The following UBE2R2 variants were observed in gnomAD, a reference collection of about 807,000 sequenced individuals.
UBE2R2 encodes the protein ubiquitin conjugating enzyme E2 R2.
Under a neutral mutation model 27.8 loss-of-function variants are expected in UBE2R2, and 1 was observed. That is an observed-to-expected ratio of 0.04 (90% CI 0.01 to 0.17). The LOEUF is 0.17. Among genes scored for constraint, UBE2R2 ranks in the 10% least tolerant of loss-of-function variants. The pLI, the probability that UBE2R2 is intolerant of heterozygous loss-of-function variation, is 1.00. For missense variants in UBE2R2, 100 were observed against 291.0 expected, an observed-to-expected ratio of 0.34 and a Z score of 4.78; for synonymous variants, 106 against 113.3, an observed-to-expected ratio of 0.94 and a Z score of 0.41.
chr9:33,912,556 G>T (rs528775959), intron 4 of UBE2R2, among the ~76,000 whole-genome samples: 1 of 151,174 alleles, frequency 6.6e-6, no homozygotes, highest in Non-Finnish European at 1.5e-5. Context: ...CCCGGGAGTT[G>T]AATGTTGCAG....
chr9:33,817,371 C>T lies in UBE2R2; in HGVS notation c.-387C>T, dbSNP rs1825813627. Among the ~76,000 whole-genome samples the T allele has an allele frequency of 6.6e-6, 1 of 150,410 alleles. No homozygotes were observed. On this transcript the variant is annotated 5_prime_UTR_variant, in exon 1 of 5. Transcript: ENST00000263228. The stretch of plus-strand genomic sequence containing the variant: ...AGCGAGCGCGGCGTTCCCGGGCCGG[C>T]CCGGCCCCCTCCCTTCACCATCGCC...
At chr9:33,829,603 GAAAGTT>G (rs1219224021) in intron 1 of UBE2R2, among the ~76,000 whole-genome samples, 1 of 152,062 alleles carries the variant, frequency 6.6e-6, no homozygotes, top group Non-Finnish European at 1.5e-5. Flanking sequence ...AGATGATAGA[GAAAGTT>G]AAATTTCTCA....
At chr9:33,874,666 GT>G (rs1055330681) in intron 1 of UBE2R2, among the ~76,000 whole-genome samples, 3 of 151,238 alleles carry the variant, frequency 2.0e-5, no homozygotes, top group Admixed American at 6.6e-5. Context: ...TTTCAGAATA[GT>G]TTTTTGTTTG....
chr9:33,849,688 CT>C (rs1222120992), intron 1 of UBE2R2, among the ~76,000 whole-genome samples: 3 of 87,558 alleles, frequency 3.4e-5, no homozygotes, highest in African/African-American at 9.9e-5. Context: ...CTCATCTCTA[CT>C]TAAAAAAAAA....
At chr9:33,867,696 A>G (rs942623409) in intron 1 of UBE2R2, among the ~76,000 whole-genome samples, 2 of 152,182 alleles carry the variant, frequency 1.3e-5, no homozygotes, top group Non-Finnish European at 2.9e-5. Flanking sequence ...ATGCCTGTTC[A>G]AGTCTTTTGC....
At chr9:33,834,716 G>T (rs899806573) in intron 1 of UBE2R2, among the ~76,000 whole-genome samples, 1 of 151,868 alleles carries the variant, frequency 6.6e-6, no homozygotes, top group Non-Finnish European at 1.5e-5. Flanking sequence ...TTCGAGACCA[G>T]CCTGGCCAAC....
intron 1 of UBE2R2, among the ~76,000 whole-genome samples, chr9:33,844,802 T>C (rs1160225342): frequency 6.6e-6 from 1 of 152,118 alleles, no homozygotes; most frequent in African/African-American, 2.4e-5. Context: ...AGTCTTGCTC[T>C]GTGGCCCAGG....
chr9:33,826,856 GCAGAT>G (rs1236589203), intron 1 of UBE2R2, among the ~76,000 whole-genome samples: 2 of 152,204 alleles, frequency 1.3e-5, no homozygotes, highest in Admixed American at 1.3e-4. Flanking sequence ...GCAGAGGTGG[GCAGAT>G]CACCTGAGCT....
chr9:33,863,914 A>G (rs951195698), intron 1 of UBE2R2, among the ~76,000 whole-genome samples: 5 of 151,922 alleles, frequency 3.3e-5, no homozygotes, highest in Non-Finnish European at 7.4e-5. Context: ...TCTGCCTCCT[A>G]GGTTCAAGCT....
At chr9:33,834,914 A>T (rs1055923067) in intron 1 of UBE2R2, among the ~76,000 whole-genome samples, 1 of 119,206 alleles carries the variant, frequency 8.4e-6, no homozygotes, top group South Asian at 2.9e-4. Flanking sequence ...CTGTCTCAGG[A>T]AAAAAAAAAA....
chr9:33,854,210 G>T (rs1821043866), intron 1 of UBE2R2, among the ~76,000 whole-genome samples: 1 of 151,834 alleles, frequency 6.6e-6, no homozygotes, highest in African/African-American at 2.4e-5. Context: ...TGTGATACTG[G>T]TTATTTGGAT....
chr9:33,877,823 G>GTCTCTCTC lies in UBE2R2; in HGVS notation c.178-9039_178-9032dup, dbSNP rs1554675184. ...TCTCTGTCTGTCTGTCTGTCTGTCT[G>GTCTCTCTC]TCTCTCTCTCTCTCTCTCTCTCTCT... On this transcript the variant is annotated intron_variant, in intron 1 of 4. Transcript: ENST00000263228. 8.4e-3 allele frequency among the ~76,000 whole-genome samples: 1,100 copies of GTCTCTCTC among 131,120 alleles called. 30 individuals carry two copies. Among genetic ancestry groups the GTCTCTCTC allele is most frequent in the African/African-American group, 0.033 (1,004 of 30,340 alleles). The allele number at this position is 131,120 out of a possible 152,430, so 86.0% of individuals were successfully genotyped here. A position where few individuals can be genotyped will look rare whatever the true frequency, so the allele number is the denominator to read the frequency against.
intron 1 of UBE2R2, among the ~76,000 whole-genome samples, chr9:33,882,193 C>T (rs1262018060): frequency 6.6e-6 from 1 of 152,098 alleles, no homozygotes; most frequent in Non-Finnish European, 1.5e-5. Context: ...ATAAGATGCT[C>T]TAGGCTTGTC....
intron 2 of UBE2R2, among the ~76,000 whole-genome samples, chr9:33,895,993 G>A (rs920269070): frequency 5.3e-5 from 8 of 151,844 alleles, no homozygotes; most frequent in Admixed American, 1.3e-4. Context: ...GGATGGTCTC[G>A]AACTCCTGGC....
intron 3 of UBE2R2, among the ~76,000 whole-genome samples, chr9:33,909,939 TCTAATTGC>T (rs1407107157): frequency 6.6e-6 from 1 of 152,206 alleles, no homozygotes; most frequent in Non-Finnish European, 1.5e-5. Context: ...AAATCAAACA[TCTAATTGC>T]CTGGTTTCCT....
At chr9:33,819,512 G>A (rs1333334918) in intron 1 of UBE2R2, among the ~76,000 whole-genome samples, 1 of 152,176 alleles carries the variant, frequency 6.6e-6, no homozygotes, top group Admixed American at 6.5e-5. Context: ...AAGAAAACAT[G>A]CAACTTATTA....
At chr9:33,844,780 T>G (rs1820805525) in intron 1 of UBE2R2, among the ~76,000 whole-genome samples, 2 of 151,854 alleles carry the variant, frequency 1.3e-5, no homozygotes, top group Non-Finnish European at 2.9e-5. Context: ...TTTTTTTTTC[T>G]TTTTCTGAGA....
chr9:33,877,233 G>A (rs889557457), intron 1 of UBE2R2, among the ~76,000 whole-genome samples: 2 of 146,028 alleles, frequency 1.4e-5, no homozygotes, highest in African/African-American at 5.1e-5. Flanking sequence ...CCAGGCTAGA[G>A]TGCAGTGGCG....
Position 33,850,419 on chromosome 9 carries a change from CACCT to C in UBE2R2, c.177+32486_177+32489del, listed in dbSNP as rs1361929563. Among the ~76,000 whole-genome samples, 5 of 152,224 alleles carry C rather than the reference CACCT, an allele frequency of 3.3e-5. No individual in the cohort carries two copies. The South Asian group carries it at 6.2e-4, about 19-fold the overall frequency. On this transcript the variant is annotated intron_variant, in intron 1 of 4. Coordinates refer to ENST00000263228, the MANE Select transcript of UBE2R2 (RefSeq NM_017811.4). The stretch of plus-strand genomic sequence containing the variant: ...GCCATTAGTTGCTTCATTTCTCAGT[CACCT>C]GTAACCATTCTTCATTCCATGATAC...
Sources: allele counts gnomAD v4.1 joint callset (sites outside exome capture counted in the v4.1 genomes callset), GRCh38; gene constraint gnomAD v4.1.1; transcripts MANE v1.5; gene names NCBI Gene and HGNC (gene_info 2026-07-23, HGNC 2026-07-21).